KALRN: variants seen among roughly 807,000 people sequenced by gnomAD.
The protein encoded by KALRN is kalirin.
A neutral mutation model predicts 353.7 loss-of-function variants in KALRN; 70 were observed. The observed-to-expected ratio is 0.20, with a 90% CI of 0.16 to 0.24. The LOEUF is 0.24. Among genes scored for constraint, KALRN ranks in the 10% least tolerant of loss-of-function variants. The pLI is 1.00. For missense variants in KALRN, 2,791 were observed against 3,756.7 expected, an observed-to-expected ratio of 0.74 and a Z score of 6.72; for synonymous variants, 1,391 against 1,434.8, an observed-to-expected ratio of 0.97 and a Z score of 0.69.
At chr3:124,246,670 A>G (rs1319868128) in intron 3 of KALRN, among the ~76,000 whole-genome samples, 1 of 152,110 alleles carries the variant, frequency 6.6e-6, no homozygotes, top group Admixed American at 6.5e-5. Context: ...TGGTCATTTA[A>G]TTTCTCTTTT....
At chr3:124,717,425 G>A (rs747038202) in intron 59 of KALRN, 40 bp downstream of exon 59, 23 of 1,499,540 alleles carry the variant, frequency 1.5e-5, no homozygotes, top group South Asian at 7.9e-5. Context: ...AGTGGCTCAC[G>A]CCTGAAATCC....
intron 6 of KALRN, among the ~76,000 whole-genome samples, chr3:124,324,422 G>T (rs569768801): frequency 1.4e-3 from 207 of 152,140 alleles, no homozygotes; most frequent in Non-Finnish European, 1.9e-3. Flanking sequence ...TCCATAAATA[G>T]AGTTTAATTT....
intron 12 of KALRN, among the ~76,000 whole-genome samples, chr3:124,398,093 G>C (rs1283272739): frequency 6.6e-6 from 1 of 152,172 alleles, no homozygotes; most frequent in Admixed American, 6.5e-5. Context: ...ACCTAATTCA[G>C]GTTTGCAGGC....
intron 1 of KALRN, among the ~76,000 whole-genome samples, chr3:124,090,118 T>C (rs2061031078): frequency 6.6e-6 from 1 of 151,206 alleles, no homozygotes; most frequent in Non-Finnish European, 1.5e-5. Context: ...CAGTGGGGGG[T>C]ACTGGGGTGA....
At chr3:124,687,159 G>A (rs2061601649) in intron 51 of KALRN, among the ~76,000 whole-genome samples, 1 of 152,090 alleles carries the variant, frequency 6.6e-6, no homozygotes, top group African/African-American at 2.4e-5. Context: ...AAGACTCTGG[G>A]AAGTTTAGGG....
At chr3:124,468,346 G>A (rs75542570) in intron 25 of KALRN, among the ~76,000 whole-genome samples, 1,609 of 152,178 alleles carry the variant, frequency 0.011, 25 homozygotes, top group African/African-American at 0.037. Flanking sequence ...AAACACAAGG[G>A]GGGGGTTGAT....
chr3:124,109,785 C>A (rs1408476374), intron 1 of KALRN, among the ~76,000 whole-genome samples: 5 of 59,912 alleles, frequency 8.3e-5, no homozygotes, highest in African/African-American at 4.7e-4. Flanking sequence ...ACATATATAT[C>A]ATACTTTGAT....
intron 58 of KALRN, among the ~76,000 whole-genome samples, chr3:124,713,509 G>A (rs2150792892): frequency 6.6e-6 from 1 of 152,156 alleles, no homozygotes; most frequent in South Asian, 2.1e-4. Flanking sequence ...TGAAAGACAG[G>A]GCTCTGTGTG....
At chr3:124,652,135 T>C (rs1188023646) in intron 38 of KALRN, among the ~76,000 whole-genome samples, 1 of 152,182 alleles carries the variant, frequency 6.6e-6, no homozygotes, top group African/African-American at 2.4e-5. Flanking sequence ...GCCACAGACA[T>C]GAAAACTAGC....
chr3:124,172,031 C>G (rs1049970951), intron 1 of KALRN, among the ~76,000 whole-genome samples: 1 of 152,192 alleles, frequency 6.6e-6, no homozygotes, highest in African/African-American at 2.4e-5. Flanking sequence ...AGTCTTAGTT[C>G]TGACTGGCTA....
chr3:124,439,141 TTCTCTTTCTCTCTCTTTC>T lies in KALRN; in HGVS notation c.3198+108_3198+125del, dbSNP rs759323184. 6.9e-6 allele frequency: 8 copies of T among 1,161,636 alleles called. No homozygotes were observed. In the East Asian group the frequency reaches 1.6e-4, roughly 23 times the overall value. The allele number at this position is 1,161,636 out of a possible 1,614,324, so 72.0% of individuals were successfully genotyped here. ...TTTCTTTCTTTCTCTTTCTCTCTCT[TTCTCTTTCTCTCTCTTTC>T]TCTTTCTCCTCCTCCTCCTTCTTCT... On this transcript the variant is annotated intron_variant, in intron 18 of 59. Coordinates refer to ENST00000682506, the MANE Select transcript of KALRN (RefSeq NM_001388419.1).
At chr3:124,171,796 G>T (rs1354201938) in intron 1 of KALRN, among the ~76,000 whole-genome samples, 1 of 152,100 alleles carries the variant, frequency 6.6e-6, no homozygotes, top group African/African-American at 2.4e-5. Context: ...TTAGAATTTG[G>T]ATTCTCAGCA....
At chr3:124,394,694 A>T (rs1560789216) in intron 11 of KALRN, among the ~76,000 whole-genome samples, 1 of 152,206 alleles carries the variant, frequency 6.6e-6, no homozygotes, top group Non-Finnish European at 1.5e-5. Context: ...GTTCTTATTG[A>T]CCACCACATT....
intron 33 of KALRN, among the ~76,000 whole-genome samples, chr3:124,512,891 CA>C (rs1380029909): frequency 3.3e-5 from 5 of 151,936 alleles, no homozygotes; most frequent in African/African-American, 1.2e-4. Context: ...ATAAATTTAA[CA>C]AAAACCTAAT....
chr3:124,312,050 C>A (rs184081977), intron 6 of KALRN, among the ~76,000 whole-genome samples: 135 of 152,262 alleles, frequency 8.9e-4, no homozygotes, highest in Admixed American at 2.2e-3. Flanking sequence ...CTTTTTGAGA[C>A]AATGAAAATG....
intron 36 of KALRN, among the ~76,000 whole-genome samples, chr3:124,635,150 G>A (rs1238030079): frequency 2.0e-5 from 3 of 152,112 alleles, no homozygotes; most frequent in Non-Finnish European, 4.4e-5. Flanking sequence ...CTGGATTATT[G>A]GGAAGAGACA....
chr3:124,159,374 G>GC (rs1283700710), intron 1 of KALRN, among the ~76,000 whole-genome samples: 3 of 152,146 alleles, frequency 2.0e-5, no homozygotes, highest in Non-Finnish European at 4.4e-5. Flanking sequence ...GGGCTCAAGT[G>GC]ACCCTCCTAC....
rs771087549 is a variant in KALRN, at chr3:124,269,006, G to A, written c.720G>A (p.Leu240=). 1.9e-6 allele frequency: 3 copies of A among 1,613,840 alleles called. No individual in the cohort carries two copies. In the African/African-American group the frequency reaches 4.0e-5, roughly 22 times the overall value. The change falls in exon 5 of 60, where the codon CTG becomes CTA. Residue 240 remains leucine, a synonymous_variant. Transcript: ENST00000682506. The part of the protein sequence containing the change: ...DEHTQLKKKV[L]KAPVEELDRE... The stretch of plus-strand genomic sequence containing the variant: ...ACACACAGCTCAAGAAAAAGGTGCT[G>A]AAGGCCCCTGTGGAGGAGCTGGACC...
chr3:124,691,998 G>A (rs1207946907), intron 51 of KALRN, among the ~76,000 whole-genome samples: 1 of 152,140 alleles, frequency 6.6e-6, no homozygotes, highest in Non-Finnish European at 1.5e-5. Flanking sequence ...GCAGGAAGTT[G>A]GTTTATCCAA....
Sources: gnomAD v4.1 joint callset for allele counts (sites outside exome capture counted in the v4.1 genomes callset) on GRCh38, gnomAD v4.1.1 for gene constraint, MANE v1.5 for transcripts, NCBI Gene and HGNC (gene_info 2026-07-23, HGNC 2026-07-21) for gene names.